B4GALT5: variants seen among roughly 807,000 people sequenced by gnomAD.
The protein encoded by B4GALT5 is beta-1,4-galactosyltransferase 5.
Under a neutral mutation model 45.0 loss-of-function variants are expected in B4GALT5, and 11 were observed. That is an observed-to-expected ratio of 0.24 (90% CI 0.15 to 0.40). The LOEUF (loss-of-function observed/expected upper bound fraction) is 0.40, where lower values mean the gene tolerates loss of function less well. Among genes scored for constraint, B4GALT5 ranks in the 10% least tolerant of loss-of-function variants. The pLI is 1.00. For missense variants in B4GALT5, 337 were observed against 500.2 expected, an observed-to-expected ratio of 0.67 and a Z score of 3.11; for synonymous variants, 185 against 182.9, an observed-to-expected ratio of 1.01 and a Z score of -0.09.
At chr20:49,643,732 C>A in intron 3 of B4GALT5, 82 bp from the exon 4 acceptor site, 1 of 1,448,972 alleles carries the variant, frequency 6.9e-7, no homozygotes, top group Non-Finnish European at 9.3e-7. Context: ...CTCTGGAGAG[C>A]GCAATGCTTT....
At chr20:49,656,172 C>T (rs1019952489) in intron 2 of B4GALT5, among the ~76,000 whole-genome samples, 1 of 152,130 alleles carries the variant, frequency 6.6e-6, no homozygotes, top group Non-Finnish European at 1.5e-5. Context: ...GCCCTGCCCT[C>T]CTCTCACCTG....
At chr20:49,643,505 G>C in intron 4 of B4GALT5, 21 bp downstream of exon 4, 1 of 1,612,872 alleles carries the variant, frequency 6.2e-7, no homozygotes, top group Non-Finnish European at 8.5e-7. Context: ...TCAGCATTTT[G>C]GCTGTGACTT....
In B4GALT5 at chr20:49,663,971, T is replaced by C. The variant is rs78100207; in HGVS notation, c.116-7269A>G. ...ATGCTAAAACCCTCAGGTGAAAGGG[T>C]TGTTGAAGAGGATAGTCAAAACACA... is the stretch of plus-strand genomic sequence containing the variant. On this transcript the variant is annotated intron_variant, in intron 1 of 8. Coordinates refer to ENST00000371711, the MANE Select transcript of B4GALT5 (RefSeq NM_004776.4). Among the ~76,000 whole-genome samples the C allele has an allele frequency of 3.8e-4, 57 of 151,904 alleles. No individual in the cohort carries two copies. The East Asian group carries it at 0.01, about 27-fold the overall frequency.
chr20:49,657,484 T>C (rs1399352735), intron 1 of B4GALT5, among the ~76,000 whole-genome samples: 21 of 152,206 alleles, frequency 1.4e-4, no homozygotes, highest in Non-Finnish European at 8.8e-5. Context: ...GTAATCCCTA[T>C]ATTCTACTTG....
At chr20:49,655,759 T>A (rs1397734299) in intron 2 of B4GALT5, among the ~76,000 whole-genome samples, 1 of 151,554 alleles carries the variant, frequency 6.6e-6, no homozygotes, top group East Asian at 1.9e-4. Flanking sequence ...TGAAACCCCA[T>A]CTCTACTAAA....
At chr20:49,705,959 C>T (rs1292155650) in intron 1 of B4GALT5, among the ~76,000 whole-genome samples, 1 of 150,812 alleles carries the variant, frequency 6.6e-6, no homozygotes, top group Non-Finnish European at 1.5e-5. Context: ...GAGGACGGAT[C>T]ACCTGAGGTC....
intron 1 of B4GALT5, among the ~76,000 whole-genome samples, chr20:49,695,505 G>A (rs12106180): frequency 0.11 from 16,491 of 151,450 alleles, 1,016 homozygotes; most frequent in Admixed American, 0.15. Context: ...TCCACCTCCC[G>A]GGTTCAAGCG....
At chr20:49,656,474 T>C in intron 2 of B4GALT5, 94 bp downstream of exon 2, 10 of 1,500,226 alleles carry the variant, frequency 6.7e-6, no homozygotes, top group Non-Finnish European at 8.2e-6. Flanking sequence ...TCTTTTACAA[T>C]GCGCTTTTCC....
rs2085553092 is a variant in B4GALT5 at position 49,636,237 on chromosome 20, C to A, written c.*75G>T. 6.5e-7 allele frequency: 1 copy of A among 1,546,418 alleles called. No homozygotes were observed. Among genetic ancestry groups the A allele is most frequent in the Non-Finnish European group, 8.8e-7 (1 of 1,131,010 alleles). The stretch of plus-strand genomic sequence containing the variant: ...TCTGTTCTCTTGCTGTGTAGACCCT[C>A]CCCCCTCCAAAAAAAAATCTCATCG... On this transcript the variant is annotated 3_prime_UTR_variant, in exon 9 of 9. Coordinates refer to ENST00000371711, the MANE Select transcript of B4GALT5 (RefSeq NM_004776.4).
chr20:49,706,728 T>G (rs376963320), intron 1 of B4GALT5, among the ~76,000 whole-genome samples: 1 of 152,198 alleles, frequency 6.6e-6, no homozygotes, highest in Admixed American at 6.5e-5. Flanking sequence ...CCCAACCTGC[T>G]TGCTTACGAT....
chr20:49,684,291 G>A (rs924338252), intron 1 of B4GALT5, among the ~76,000 whole-genome samples: 2 of 152,076 alleles, frequency 1.3e-5, no homozygotes, highest in South Asian at 2.1e-4. Flanking sequence ...GGCTGGGCGC[G>A]GTGGCTCATG....
rs906051959 is a variant in B4GALT5, at chr20:49,635,952, G to A, written c.*360C>T. On this transcript the variant is annotated 3_prime_UTR_variant, in exon 9 of 9. Transcript: ENST00000371711. The stretch of plus-strand genomic sequence containing the variant: ...GGTCATGTGTAGGGACAGGCTCCAC[G>A]GCAGGACCACGGCAGGACCACGGCA... The A allele has an allele frequency of 1.9e-5, 4 of 210,998 alleles. No individual in the cohort carries two copies. Among genetic ancestry groups the A allele is most frequent in the South Asian group, 6.6e-5 (1 of 15,202 alleles). 13.1% of individuals were successfully genotyped at this position (210,998 alleles called of 1,614,324 possible).
chr20:49,651,341 C>T (rs1163506703), intron 2 of B4GALT5, among the ~76,000 whole-genome samples: 1 of 151,852 alleles, frequency 6.6e-6, no homozygotes, highest in South Asian at 2.1e-4. Flanking sequence ...GTAATCCCAG[C>T]ACTTTGAGAG....
chr20:49,709,179 G>A (rs1366708335), intron 1 of B4GALT5, among the ~76,000 whole-genome samples: 1 of 152,024 alleles, frequency 6.6e-6, no homozygotes, highest in Non-Finnish European at 1.5e-5. Flanking sequence ...AGTACTCTGA[G>A]CTCTCGGATT....
intron 1 of B4GALT5, among the ~76,000 whole-genome samples, chr20:49,694,658 A>AAAGGGAAAGGGAAAGGGAAAG (rs2085830545): frequency 7.0e-6 from 1 of 142,918 alleles, no homozygotes; most frequent in African/African-American, 2.7e-5. Context: ...GAAAGGGAAA[A>AAAGGGAAAGGGAAAGGGAAAG]GGAAAGGGAA....
intron 1 of B4GALT5, among the ~76,000 whole-genome samples, chr20:49,659,000 AG>A (rs989044196): frequency 6.6e-6 from 1 of 152,224 alleles, no homozygotes; most frequent in Admixed American, 6.5e-5. Context: ...AGTTTCTCCA[AG>A]TATCTTCACA....
At chr20:49,695,721 T>C (rs1482428092) in intron 1 of B4GALT5, among the ~76,000 whole-genome samples, 2 of 152,142 alleles carry the variant, frequency 1.3e-5, no homozygotes, top group African/African-American at 2.4e-5. Flanking sequence ...CTGTTAGAAA[T>C]GCTTATGCCA....
chr20:49,669,590 G>C (rs910873188), intron 1 of B4GALT5, among the ~76,000 whole-genome samples: 3 of 151,846 alleles, frequency 2.0e-5, no homozygotes, highest in Non-Finnish European at 4.4e-5. Flanking sequence ...CAGTTACTCG[G>C]GAGGCTGAGA....
chr20:49,683,281 A>T (rs1441414933), intron 1 of B4GALT5, among the ~76,000 whole-genome samples: 1 of 152,162 alleles, frequency 6.6e-6, no homozygotes, highest in Non-Finnish European at 1.5e-5. Context: ...TTAGTCTAAC[A>T]GGTATTTTCT....
Sources: allele counts gnomAD v4.1 joint callset (sites outside exome capture counted in the v4.1 genomes callset), GRCh38; gene constraint gnomAD v4.1.1; transcripts MANE v1.5; gene names NCBI Gene and HGNC (gene_info 2026-07-23, HGNC 2026-07-21).